The following IGSF11 variants were observed in gnomAD, a reference collection of about 807,000 sequenced individuals.
IGSF11 encodes the protein CXADR like 1.
Under a neutral mutation model 41.0 loss-of-function variants are expected in IGSF11, and 22 were observed. The ratio of observed to expected loss-of-function variants is 0.54; its 90% CI spans 0.38 to 0.77. The LOEUF is 0.77. Among genes scored for constraint, IGSF11 ranks in the 30% least tolerant of loss-of-function variants. The pLI is 0.00. For missense variants in IGSF11, 444 were observed against 530.8 expected (o/e 0.84, Z 1.61); for synonymous variants, 219 against 201.3 (o/e 1.09, Z -0.74).
At chr3:119,048,061 G>T (rs1344337649) in intron 1 of IGSF11, among the ~76,000 whole-genome samples, 1 of 150,530 alleles carries the variant, frequency 6.6e-6, no homozygotes, top group East Asian at 1.9e-4. Context: ...ATCCAAAATT[G>T]ACACCCTAAC....
intron 1 of IGSF11, among the ~76,000 whole-genome samples, chr3:119,096,356 T>TAA (rs1192242469): frequency 6.6e-6 from 1 of 152,038 alleles, no homozygotes; most frequent in East Asian, 1.9e-4. Context: ...TACATATATA[T>TAA]AATGCACACA....
intron 1 of IGSF11, among the ~76,000 whole-genome samples, chr3:119,047,704 GCACCA>G (rs1457228665): frequency 1.3e-5 from 2 of 151,928 alleles, no homozygotes; most frequent in African/African-American, 4.8e-5. Context: ...ATTTTTTTCA[GCACCA>G]CACCACACCT....
intron 1 of IGSF11, among the ~76,000 whole-genome samples, chr3:119,014,320 G>C (rs959826462): frequency 1.3e-5 from 2 of 152,096 alleles, no homozygotes; most frequent in African/African-American, 2.4e-5. Flanking sequence ...GGTAGCTACA[G>C]GCAATGTATC....
intron 1 of IGSF11, among the ~76,000 whole-genome samples, chr3:119,110,426 T>A (rs1410717990): frequency 1.3e-5 from 2 of 152,204 alleles, no homozygotes; most frequent in Admixed American, 6.5e-5. Flanking sequence ...TGCCTTTTTT[T>A]GTTTTCCATT....
rs1941818876 is a variant in IGSF11 at position 119,056,027 on chromosome 3, C to A, written c.49+49117G>T. Among the ~76,000 whole-genome samples the A allele has an allele frequency of 2.0e-5, 3 of 152,074 alleles. 1 individual carries two copies. The South Asian group carries it at 6.2e-4, about 32-fold the overall frequency. On this transcript the variant is annotated intron_variant, in intron 1 of 6. Transcript: ENST00000354673. ...GCCCACAAGAGAAAGCAGGAAAGAT[C>A]TAAAATTGACACCCTAATATCACAA... is the stretch of plus-strand genomic sequence containing the variant.
chr3:119,025,933 C>G (rs894959714), intron 1 of IGSF11, among the ~76,000 whole-genome samples: 6 of 152,042 alleles, frequency 3.9e-5, no homozygotes, highest in African/African-American at 1.4e-4. Context: ...TACTAAACTT[C>G]CATTAAAAAG....
chr3:118,954,464 G>A (rs1010923788), intron 1 of IGSF11, among the ~76,000 whole-genome samples: 1 of 151,964 alleles, frequency 6.6e-6, no homozygotes, highest in Non-Finnish European at 1.5e-5. Context: ...TGACTTCCTT[G>A]AACCCCTCAA....
At chr3:119,068,916 C>CTT (rs66923529) in intron 1 of IGSF11, among the ~76,000 whole-genome samples, 50,067 of 113,202 alleles carry the variant, frequency 0.44, 11,498 homozygotes, top group African/African-American at 0.54. Context: ...TGGTTATTTT[C>CTT]TTTTTTTTTT....
At chr3:118,961,112 A>C (rs559474235) in intron 1 of IGSF11, among the ~76,000 whole-genome samples, 102 of 152,298 alleles carry the variant, frequency 6.7e-4, no homozygotes, top group Non-Finnish European at 1.3e-3. Flanking sequence ...AGCTCACAAG[A>C]GCCTTCTGGT....
At chr3:118,996,202 C>G (rs1196574567) in intron 1 of IGSF11, among the ~76,000 whole-genome samples, 1 of 152,110 alleles carries the variant, frequency 6.6e-6, no homozygotes, top group Non-Finnish European at 1.5e-5. Context: ...ACTCTCTTGC[C>G]CCTTGTCAAA....
chr3:119,041,086 A>G (rs1379897960), intron 1 of IGSF11, among the ~76,000 whole-genome samples: 2 of 152,184 alleles, frequency 1.3e-5, no homozygotes, highest in Non-Finnish European at 2.9e-5. Context: ...ACTTAGCTTA[A>G]GAATTTTGAT....
intron 1 of IGSF11, among the ~76,000 whole-genome samples, chr3:119,067,991 C>G (rs112300347): frequency 3.3e-5 from 5 of 152,184 alleles, no homozygotes; most frequent in Non-Finnish European, 7.3e-5. Context: ...ATGTCAATAT[C>G]CCTAGTAGAT....
chr3:119,101,386 G>A (rs1178340059), intron 1 of IGSF11, among the ~76,000 whole-genome samples: 1 of 152,080 alleles, frequency 6.6e-6, no homozygotes, highest in African/African-American at 2.4e-5. Flanking sequence ...GCGCATGTCT[G>A]TAGTCCCAGA....
intron 1 of IGSF11, among the ~76,000 whole-genome samples, chr3:119,114,894 G>A (rs2077234480): frequency 1.3e-5 from 2 of 152,200 alleles, no homozygotes; most frequent in Admixed American, 1.3e-4. Flanking sequence ...CAGGAAACAT[G>A]GCTGGGGAGG....
At chr3:118,969,536 T>C (rs765191538) in intron 1 of IGSF11, among the ~76,000 whole-genome samples, 1 of 152,142 alleles carries the variant, frequency 6.6e-6, no homozygotes, top group African/African-American at 2.4e-5. Context: ...ACAGCCATGG[T>C]AGCTTCCCCC....
intron 1 of IGSF11, among the ~76,000 whole-genome samples, chr3:119,134,967 A>T (rs1033884172): frequency 5.2e-4 from 79 of 152,346 alleles, no homozygotes; most frequent in African/African-American, 1.6e-3. Flanking sequence ...TGGGGAAATG[A>T]TTCCCTATTT....
chr3:118,923,187 C>A (rs79644354), intron 4 of IGSF11, among the ~76,000 whole-genome samples: 1,643 of 152,234 alleles, frequency 0.011, 32 homozygotes, highest in East Asian at 0.065. Context: ...TTGTCCTTTG[C>A]TGCCTATTAA....
At chr3:118,950,184 TTTA>T (rs1325886361) in intron 1 of IGSF11, among the ~76,000 whole-genome samples, 1 of 152,146 alleles carries the variant, frequency 6.6e-6, no homozygotes, top group Non-Finnish European at 1.5e-5. Flanking sequence ...ACTTTCTCTG[TTTA>T]AGGAGTAACA....
intron 1 of IGSF11, chr3:118,944,912 G>A (rs1378060222): frequency 6.6e-6 from 1 of 152,170 alleles, no homozygotes; most frequent in East Asian, 1.9e-4. Flanking sequence ...ACAATGTCTA[G>A]TGTGACTCCA....
Sources: gnomAD v4.1 joint callset for allele counts (sites outside exome capture counted in the v4.1 genomes callset) on GRCh38, gnomAD v4.1.1 for gene constraint, MANE v1.5 for transcripts, NCBI Gene and HGNC (gene_info 2026-07-23, HGNC 2026-07-21) for gene names.